DNER: variants seen among roughly 807,000 people sequenced by gnomAD.
The protein encoded by DNER is delta and Notch-like epidermal growth factor-related receptor.
DNER carries 33 observed loss-of-function variants against 78.2 expected under a neutral mutation model. The observed-to-expected ratio is 0.42, with a 90% CI of 0.32 to 0.56. The LOEUF is 0.56. Ranked by LOEUF, DNER falls within the 20% of genes least tolerant of loss-of-function variation. The pLI is 0.11. For missense variants in DNER, 918 were observed against 975.3 expected, an observed-to-expected ratio of 0.94 and a Z score of 0.78; for synonymous variants, 417 against 384.8, an observed-to-expected ratio of 1.08 and a Z score of -0.98.
chr2:229,637,633 C>A (rs1457362962), intron 1 of DNER, among the ~76,000 whole-genome samples: 3 of 152,190 alleles, frequency 2.0e-5, no homozygotes, highest in Non-Finnish European at 1.5e-5. Context: ...CTCTTCCCAA[C>A]TCTGCATTCA....
At chr2:229,466,447 C>T (rs1331622528) in intron 7 of DNER, among the ~76,000 whole-genome samples, 1 of 152,158 alleles carries the variant, frequency 6.6e-6, no homozygotes, top group Non-Finnish European at 1.5e-5. Context: ...ACATCACTTC[C>T]CTTGGAACAC....
At chr2:229,679,341 A>T (rs34845702) in intron 1 of DNER, among the ~76,000 whole-genome samples, 28,329 of 152,212 alleles carry the variant, frequency 0.19, 3,158 homozygotes, top group East Asian at 0.37. Context: ...GAAGGAGCTC[A>T]GCAAGTAGTT....
At chr2:229,380,940 A>C (rs1299025054) in intron 11 of DNER, among the ~76,000 whole-genome samples, 1 of 151,992 alleles carries the variant, frequency 6.6e-6, no homozygotes, top group African/African-American at 2.4e-5. Context: ...AAAATAAAAA[A>C]ATAAAATAAA....
At chr2:229,432,202 T>A (rs1262939830) in intron 8 of DNER, among the ~76,000 whole-genome samples, 1 of 152,184 alleles carries the variant, frequency 6.6e-6, no homozygotes, top group Non-Finnish European at 1.5e-5. Context: ...TACCCTCAAT[T>A]GATTATCTAG....
rs369163042 is a variant in DNER at position 229,512,779 on chromosome 2, G to A, written c.1147+4C>T. The A allele has an allele frequency of 7.6e-5, 122 of 1,613,914 alleles. No individual in the cohort carries two copies. Among genetic ancestry groups the A allele is most frequent in the African/African-American group, 3.1e-4 (23 of 74,910 alleles). ...AATAACTGAACCATGAGTATGTGTC[G>A]TACCAGGAAGGCAAACACAGGTGAA... On this transcript the variant is annotated splice_donor_region_variant and intron_variant, in intron 6 of 12. Transcript: ENST00000341772.
At chr2:229,482,835 C>T (rs1354228693) in intron 6 of DNER, among the ~76,000 whole-genome samples, 1 of 151,998 alleles carries the variant, frequency 6.6e-6, no homozygotes, top group African/African-American at 2.4e-5. Context: ...AAATAAATTG[C>T]ACAACAGAGT....
At chr2:229,553,597 C>A (rs1696791124) in intron 4 of DNER, among the ~76,000 whole-genome samples, 1 of 152,168 alleles carries the variant, frequency 6.6e-6, no homozygotes, top group African/African-American at 2.4e-5. Context: ...ACTGACATGT[C>A]CGGCCTGCCC....
chr2:229,667,802 G>A (rs1163507082), intron 1 of DNER, among the ~76,000 whole-genome samples: 1 of 152,166 alleles, frequency 6.6e-6, no homozygotes, highest in East Asian at 1.9e-4. Flanking sequence ...TAATAAGGAA[G>A]AAAACAAGGA....
chr2:229,594,326 C>T lies in DNER; in HGVS notation c.277-2438G>A, dbSNP rs150395673. ...GCAGAGGGCCGGGCGCGGTGGCTCA[C>T]GCCTGTAACCCCAACACTTTGAGAG... On this transcript the variant is annotated intron_variant, in intron 1 of 12. Transcript: ENST00000341772. Among the ~76,000 whole-genome samples, 667 of 152,296 alleles carry T rather than the reference C, an allele frequency of 4.4e-3. 11 individuals are homozygous for T. The highest frequency in any genetic ancestry group is 0.015 in the African/African-American group (619 of 41,562).
chr2:229,480,779 A>G (rs1267953324), intron 6 of DNER, among the ~76,000 whole-genome samples: 1 of 152,244 alleles, frequency 6.6e-6, no homozygotes, highest in Non-Finnish European at 1.5e-5. Flanking sequence ...ACAGTGGTCC[A>G]TATTCAACAC....
intron 12 of DNER, among the ~76,000 whole-genome samples, chr2:229,365,476 G>A (rs963920006): frequency 4.6e-5 from 7 of 152,004 alleles, no homozygotes; most frequent in African/African-American, 1.5e-4. Context: ...TCTATCTGTC[G>A]ACCAGGTTGG....
chr2:229,363,985 CTTTTTTTTTTTT>C (rs10600729), intron 12 of DNER, among the ~76,000 whole-genome samples: 2 of 77,808 alleles, frequency 2.6e-5, no homozygotes, highest in South Asian at 8.6e-4. Flanking sequence ...CAATTCTCTG[CTTTTTTTTTTTT>C]TTTTTTTTTT....
intron 1 of DNER, among the ~76,000 whole-genome samples, chr2:229,658,339 C>A (rs1043764534): frequency 2.0e-5 from 3 of 152,162 alleles, no homozygotes; most frequent in Non-Finnish European, 2.9e-5. Flanking sequence ...GTCCTATTTA[C>A]CGTGGTTGAC....
At chr2:229,522,181 T>C (rs1696112429) in intron 5 of DNER, among the ~76,000 whole-genome samples, 1 of 152,250 alleles carries the variant, frequency 6.6e-6, no homozygotes, top group Non-Finnish European at 1.5e-5. Flanking sequence ...TCCAAGGACA[T>C]TGAAGTTTAC....
At chr2:229,435,899 C>G (rs10519380) in intron 8 of DNER, among the ~76,000 whole-genome samples, 9,267 of 152,194 alleles carry the variant, frequency 0.061, 967 homozygotes, top group African/African-American at 0.21. Context: ...ACAATATAAA[C>G]TGTTTGGTAA....
rs199563376 is a variant in DNER, at chr2:229,407,271, C to T, written c.1684G>A (p.Gly562Ser). Residue 562 changes from glycine to serine, a missense_variant, in exon 10 of 13, where the codon GGC (glycine) becomes AGC (serine). Coordinates refer to ENST00000341772, the MANE Select transcript of DNER (RefSeq NM_139072.4). ...CLNGATCDSD[G>S]LNGTCICAPG... ...GCACAGATGCACGTGCCATTCAGGC[C>T]GTCGCTGTCACAGGTGGCTCCGTTC... The T allele has an allele frequency of 1.0e-4, 163 of 1,613,578 alleles. No homozygotes were observed. Among genetic ancestry groups the T allele is most frequent in the Non-Finnish European group, 1.3e-4 (152 of 1,179,680 alleles).
At chr2:229,619,502 G>A (rs1405365889) in intron 1 of DNER, among the ~76,000 whole-genome samples, 1 of 152,178 alleles carries the variant, frequency 6.6e-6, no homozygotes, top group African/African-American at 2.4e-5. Flanking sequence ...TTGGCCACTG[G>A]AGGCCACTGG....
chr2:229,511,115 G>C lies in DNER; in HGVS notation c.1147+1668C>G, dbSNP rs186558538. ...TTTCACTTTTATAAATTTCTGCTTT[G>C]CTGACTGTCTTGTTTCTTACAATGA... On this transcript the variant is annotated intron_variant, in intron 6 of 12. Transcript: ENST00000341772. Among the ~76,000 whole-genome samples the C allele has an allele frequency of 4.5e-3, 678 of 152,168 alleles. 8 individuals are homozygous for C. Among genetic ancestry groups the C allele is most frequent in the African/African-American group, 0.015 (635 of 41,512 alleles).
chr2:229,421,182 A>G (rs1693755882), intron 8 of DNER, among the ~76,000 whole-genome samples: 1 of 152,148 alleles, frequency 6.6e-6, no homozygotes, highest in Non-Finnish European at 1.5e-5. Flanking sequence ...AAGGACAAAT[A>G]CTGTATGGTT....
Sources: allele counts gnomAD v4.1 joint callset (sites outside exome capture counted in the v4.1 genomes callset), GRCh38; gene constraint gnomAD v4.1.1; transcripts MANE v1.5; gene names NCBI Gene and HGNC (gene_info 2026-07-23, HGNC 2026-07-21).